PRKCA: variants seen among roughly 807,000 people sequenced by gnomAD.
PRKCA encodes protein kinase C alpha type.
PRKCA carries 27 observed loss-of-function variants against 87.0 expected under a neutral mutation model. That is an observed-to-expected ratio of 0.31 (90% CI 0.23 to 0.43). PRKCA has a LOEUF of 0.43. PRKCA is among the 20% of genes least tolerant of loss of function. The pLI is 1.00. For synonymous variants in PRKCA, 329 were observed against 311.1 expected (o/e 1.06, Z -0.61); for missense variants, 518 against 852.3 (o/e 0.61, Z 4.88).
At chr17:66,767,163 T>C (rs898912221) in intron 13 of PRKCA, among the ~76,000 whole-genome samples, 4 of 152,174 alleles carry the variant, frequency 2.6e-5, no homozygotes, top group Non-Finnish European at 5.9e-5. Flanking sequence ...TTTCTCCCTA[T>C]AAAATGAGAA....
rs1393084891 is a variant in PRKCA at position 66,689,667 on chromosome 17, T to C, written c.918+620T>C. The stretch of plus-strand genomic sequence containing the variant: ...CTCCTCCTCTGCTCCTTACTCCTCT[T>C]TTTCTTCTCCTCTCTCTCCCTTCTC... On this transcript the variant is annotated intron_variant, in intron 8 of 16. Transcript: ENST00000413366. The surrounding 1 kb of genome is among the most constrained non-coding windows in gnomAD (Gnocchi z 4.1). Among the ~76,000 whole-genome samples the C allele has an allele frequency of 2.0e-5, 3 of 152,140 alleles. No individual in the cohort carries two copies. Among genetic ancestry groups the C allele is most frequent in the Non-Finnish European group, 2.9e-5 (2 of 68,014 alleles).
At chr17:66,520,662 A>G (rs921304798) in intron 3 of PRKCA, among the ~76,000 whole-genome samples, 2 of 152,154 alleles carry the variant, frequency 1.3e-5, no homozygotes, top group Non-Finnish European at 2.9e-5. Flanking sequence ...TTTTTCCCCT[A>G]AATTTCAGGT....
intron 3 of PRKCA, among the ~76,000 whole-genome samples, chr17:66,505,168 A>G (rs1916918381): frequency 6.6e-6 from 1 of 152,166 alleles, no homozygotes; most frequent in East Asian, 1.9e-4. Context: ...TATTTCCTAC[A>G]AGGGAAGGGA....
chr17:66,810,170 A>G lies in PRKCA; in HGVS notation c.*6133A>G, dbSNP rs149329384. On this transcript the variant is annotated 3_prime_UTR_variant, in exon 17 of 17. Transcript: ENST00000413366. ...TGGCTTTGCATTTTCTGATTAAACG[A>G]CTGTGTCTTTGTCACCTCTGCTTAA... The G allele has an allele frequency of 6.6e-6, 1 of 152,272 alleles. No individual in the cohort carries two copies. The highest frequency in any genetic ancestry group is 1.9e-4 in the East Asian group (1 of 5,180). 9.4% of individuals were successfully genotyped at this position (152,272 alleles called of 1,614,324 possible).
intron 8 of PRKCA, among the ~76,000 whole-genome samples, chr17:66,721,434 G>C (rs1973614326): frequency 6.6e-6 from 1 of 151,198 alleles, no homozygotes; most frequent in African/African-American, 2.4e-5. Context: ...TCCATAGGCA[G>C]AGCAACCCCC....
intron 2 of PRKCA, among the ~76,000 whole-genome samples, chr17:66,336,638 ATAGTAAATTATTAAACATTTGCC>A (rs1039384697): frequency 1.5e-4 from 20 of 132,026 alleles, no homozygotes; most frequent in African/African-American, 7.3e-4. Context: ...TACCTGTTAT[ATAGTAAATTATTAAACATTTGCC>A]TATATAGTAA....
intron 5 of PRKCA, among the ~76,000 whole-genome samples, chr17:66,663,239 AAAG>A (rs1168478837): frequency 5.9e-5 from 9 of 152,202 alleles, no homozygotes; most frequent in Admixed American, 2.6e-4. Context: ...AAGGTGCTAG[AAAG>A]AAGGTTGGTG....
chr17:66,378,483 C>T (rs7216260), intron 2 of PRKCA, among the ~76,000 whole-genome samples: 87,186 of 151,928 alleles, frequency 0.57, 25,634 homozygotes, highest in Non-Finnish European at 0.65. Context: ...ATTTTTGTCA[C>T]TCCAGAAAGA....
chr17:66,632,254 G>C (rs1457291639), intron 3 of PRKCA, among the ~76,000 whole-genome samples: 2 of 152,166 alleles, frequency 1.3e-5, no homozygotes, highest in East Asian at 3.8e-4. Flanking sequence ...AATGTTAAAA[G>C]TCTCATTTTA....
chr17:66,347,437 T>G (rs1907451489), intron 2 of PRKCA, among the ~76,000 whole-genome samples: 1 of 152,326 alleles, frequency 6.6e-6, no homozygotes, highest in Middle Eastern at 3.4e-3. Context: ...CTTTTGATAG[T>G]GGTCGTTGGC....
intron 2 of PRKCA, among the ~76,000 whole-genome samples, chr17:66,466,670 C>T (rs1228314395): frequency 6.6e-6 from 1 of 152,106 alleles, no homozygotes; most frequent in Non-Finnish European, 1.5e-5. Context: ...AAACATCGTT[C>T]TTTTCTTTAT....
At chr17:66,688,238 G>T (rs1252349317) in intron 6 of PRKCA, 64 bp from the exon 7 acceptor site, 8 of 1,579,968 alleles carry the variant, frequency 5.1e-6, no homozygotes, top group Middle Eastern at 1.7e-4. Flanking sequence ...TCATATACAT[G>T]TGGTATCTCC....
In PRKCA at chr17:66,728,505, C is replaced by T. The variant is rs142767457; in HGVS notation, c.919-4183C>T. The stretch of plus-strand genomic sequence containing the variant: ...CTCCTTTGTGGATATTGCTCTCAAA[C>T]CTGGTGATTGATTTGAGACCTGAGG... On this transcript the variant is annotated intron_variant, in intron 8 of 16. Transcript: ENST00000413366. Among the ~76,000 whole-genome samples the T allele has an allele frequency of 2.1e-3, 315 of 152,348 alleles. 1 individual carries two copies. Among genetic ancestry groups the T allele is most frequent in the African/African-American group, 7.3e-3 (305 of 41,580 alleles).
chr17:66,527,909 T>C (rs1967400896), intron 3 of PRKCA, among the ~76,000 whole-genome samples: 1 of 152,190 alleles, frequency 6.6e-6, no homozygotes, highest in African/African-American at 2.4e-5. Flanking sequence ...ATTAAAAACA[T>C]GATACAGGTT....
intron 3 of PRKCA, among the ~76,000 whole-genome samples, chr17:66,514,786 CT>C (rs1370648407): frequency 2.6e-5 from 4 of 152,154 alleles, no homozygotes; most frequent in African/African-American, 9.7e-5. Context: ...CAAAGAACTC[CT>C]CCAGAAACAA....
chr17:66,749,708 G>A (rs1038213944), intron 13 of PRKCA, among the ~76,000 whole-genome samples: 6 of 152,212 alleles, frequency 3.9e-5, no homozygotes, highest in East Asian at 1.9e-4. Flanking sequence ...TGCACGCTGC[G>A]CTCCTGGATG....
chr17:66,643,029 G>A (rs1971349677), intron 4 of PRKCA, among the ~76,000 whole-genome samples: 1 of 152,132 alleles, frequency 6.6e-6, no homozygotes, highest in Non-Finnish European at 1.5e-5. Flanking sequence ...AAACAAGAGT[G>A]AAACTCGGTC....
Position 66,808,300 on chromosome 17 carries a change from GGT to G in PRKCA, c.*4264_*4265del. 1 of 140,466 alleles carries G rather than the reference GGT, an allele frequency of 7.1e-6. No homozygotes were observed. Among genetic ancestry groups the G allele is most frequent in the South Asian group, 2.3e-4 (1 of 4,274 alleles). 8.7% of individuals were successfully genotyped at this position (140,466 alleles called of 1,614,324 possible). ...CCACTTAGCAGGAGACATTTCGGAG[GGT>G]TTTTTTTGTTTTTGTTCCTGTTTTT... On this transcript the variant is annotated 3_prime_UTR_variant, in exon 17 of 17. Coordinates refer to ENST00000413366, the MANE Select transcript of PRKCA (RefSeq NM_002737.3).
At position 66,420,076 on chromosome 17, in the gene PRKCA, A is replaced by G. The variant is rs1158165959; in HGVS notation, c.206-76125A>G. On this transcript the variant is annotated intron_variant, in intron 2 of 16. Transcript: ENST00000413366. ...CACCAGGCTGGAATACAGTGGCGCA[A>G]TCTCGGCTCACTGCAGCCTCCGCCT... Among the ~76,000 whole-genome samples the G allele has an allele frequency of 5.3e-5, 8 of 150,312 alleles. No individual in the cohort carries two copies. In the East Asian group the frequency reaches 1.4e-3, roughly 26 times the overall value.
Sources: gnomAD v4.1 joint callset for allele counts (sites outside exome capture counted in the v4.1 genomes callset) on GRCh38, gnomAD v4.1.1 for gene constraint, Gnocchi (gnomAD v3.1) non-coding constraint, MANE v1.5 for transcripts, NCBI Gene and HGNC (gene_info 2026-07-23, HGNC 2026-07-21) for gene names.